Variants in CNTN3 observed in about 807,000 individuals in gnomAD.
CNTN3 encodes contactin-3.
Under a neutral mutation model 119.1 loss-of-function variants are expected in CNTN3, and 60 were observed. That is an observed-to-expected ratio of 0.50 (90% confidence interval 0.41 to 0.62). CNTN3 has a LOEUF of 0.62. CNTN3 is among the 20% of genes least tolerant of loss of function. CNTN3 has a pLI of 0.00. For missense variants in CNTN3, 1,101 were observed against 1,242.4 expected (o/e 0.89, Z 1.71); for synonymous variants, 450 against 438.7 (o/e 1.03, Z -0.32).
At chr3:74,343,011 G>A (rs961450239) in intron 11 of CNTN3, among the ~76,000 whole-genome samples, 2 of 152,180 alleles carry the variant, frequency 1.3e-5, no homozygotes, top group Non-Finnish European at 2.9e-5. Flanking sequence ...AAACTTCAAA[G>A]GGGATATTAT....
chr3:74,529,448 T>TA (rs1408246291), intron 1 of CNTN3, among the ~76,000 whole-genome samples: 1 of 151,728 alleles, frequency 6.6e-6, no homozygotes, highest in Non-Finnish European at 1.5e-5. Flanking sequence ...GACATGTATG[T>TA]AGGTGCCATA....
intron 4 of CNTN3, among the ~76,000 whole-genome samples, chr3:74,455,007 G>T (rs1478700192): frequency 6.6e-6 from 1 of 152,084 alleles, no homozygotes; most frequent in Non-Finnish European, 1.5e-5. Context: ...TTCTCAAAGA[G>T]TATCTTTGTC....
At chr3:74,567,320 T>A (rs1031491271) in intron 1 of CNTN3, among the ~76,000 whole-genome samples, 2 of 42,856 alleles carry the variant, frequency 4.7e-5, no homozygotes, top group Admixed American at 3.5e-4. Context: ...TTTAATTTTT[T>A]TTTTTTTTTT....
chr3:74,500,035 A>G (rs1413570391), intron 2 of CNTN3, among the ~76,000 whole-genome samples: 3 of 152,208 alleles, frequency 2.0e-5, no homozygotes, highest in East Asian at 3.9e-4. Flanking sequence ...TTCATACCGC[A>G]GCAATTACTT....
chr3:74,314,709 T>C (rs1702786789), intron 13 of CNTN3, among the ~76,000 whole-genome samples: 1 of 152,186 alleles, frequency 6.6e-6, no homozygotes, highest in African/African-American at 2.4e-5. Context: ...TTTGGAGACT[T>C]CAACACCTCT....
intron 13 of CNTN3, among the ~76,000 whole-genome samples, chr3:74,327,016 G>A (rs1031648812): frequency 8.6e-5 from 13 of 151,182 alleles, no homozygotes; most frequent in Non-Finnish European, 1.8e-4. Flanking sequence ...AGTATCAATC[G>A]AGAATATTGT....
At chr3:74,282,071 C>A (rs1702024449) in intron 20 of CNTN3, among the ~76,000 whole-genome samples, 1 of 152,092 alleles carries the variant, frequency 6.6e-6, no homozygotes, top group South Asian at 2.1e-4. Context: ...ATTCATCAGT[C>A]CCTTGAGATG....
At chr3:74,327,856 CATAT>C (rs1703168643) in intron 13 of CNTN3, among the ~76,000 whole-genome samples, 1 of 151,686 alleles carries the variant, frequency 6.6e-6, no homozygotes, top group Non-Finnish European at 1.5e-5. Context: ...GAATTTCATA[CATAT>C]GACCTGAATA....
At chr3:74,525,284 A>T (rs1444277329) in intron 1 of CNTN3, among the ~76,000 whole-genome samples, 1 of 151,948 alleles carries the variant, frequency 6.6e-6, no homozygotes, top group Non-Finnish European at 1.5e-5. Context: ...ATACGTACAC[A>T]CATGCATACA....
At chr3:74,283,594 GT>G (rs1350196510) in intron 20 of CNTN3, among the ~76,000 whole-genome samples, 6 of 151,998 alleles carry the variant, frequency 3.9e-5, no homozygotes, top group African/African-American at 1.4e-4. Context: ...ATGTTACACT[GT>G]CTTTTACTAT....
chr3:74,502,190 C>G (rs150468574), intron 2 of CNTN3, among the ~76,000 whole-genome samples: 1 of 151,850 alleles, frequency 6.6e-6, no homozygotes, highest in African/African-American at 2.4e-5. Context: ...AATGCATTAA[C>G]ATAATGGTAT....
chr3:74,366,817 A>C (rs1328843775), intron 8 of CNTN3, among the ~76,000 whole-genome samples: 6 of 43,866 alleles, frequency 1.4e-4, no homozygotes, highest in Non-Finnish European at 2.0e-4. Flanking sequence ...TAACTTGCTC[A>C]GTATGAAGTG....
chr3:74,285,805 A>C (rs1484797749), intron 19 of CNTN3, among the ~76,000 whole-genome samples: 2 of 93,780 alleles, frequency 2.1e-5, no homozygotes, highest in Admixed American at 1.9e-4. Context: ...ATATATATAT[A>C]TATATATATA....
At chr3:74,453,756 C>T (rs1394062893) in intron 4 of CNTN3, among the ~76,000 whole-genome samples, 2 of 151,072 alleles carry the variant, frequency 1.3e-5, no homozygotes, top group Non-Finnish European at 3.0e-5. Context: ...TTTATTTCTG[C>T]CTTCATTTCG....
At chr3:74,533,280 A>ACT (rs1196394892) in intron 1 of CNTN3, among the ~76,000 whole-genome samples, 1 of 151,998 alleles carries the variant, frequency 6.6e-6, no homozygotes, top group Non-Finnish European at 1.5e-5. Context: ...CCTTCTCTTA[A>ACT]CTCTGAAACT....
At chr3:74,455,702 T>C (rs1702255499) in intron 4 of CNTN3, among the ~76,000 whole-genome samples, 1 of 152,112 alleles carries the variant, frequency 6.6e-6, no homozygotes, top group Non-Finnish European at 1.5e-5. Context: ...TTTCTGTTCG[T>C]TAGTTTTCCT....
chr3:74,606,673 C>A (rs1228462941), intron 1 of CNTN3, among the ~76,000 whole-genome samples: 1 of 152,054 alleles, frequency 6.6e-6, no homozygotes, highest in Non-Finnish European at 1.5e-5. Flanking sequence ...AAGCAACAGA[C>A]AATTATGGCA....
chr3:74,534,967 C>A (rs1487105160), intron 1 of CNTN3, among the ~76,000 whole-genome samples: 1 of 151,914 alleles, frequency 6.6e-6, no homozygotes, highest in African/African-American at 2.4e-5. Context: ...TGATTACATG[C>A]TGAGCTGGTA....
In CNTN3 at chr3:74,537,559, C is replaced by A. The variant is rs1348070316; in HGVS notation, c.-80-16367G>T. Among the ~76,000 whole-genome samples, 5 of 152,156 alleles carry A rather than the reference C, an allele frequency of 3.3e-5. No homozygotes were observed. In the East Asian group the frequency reaches 9.7e-4, roughly 29 times the overall value. ...ACAAGACTCAATGGCATCTTTGCCT[C>A]GGTTGTTGTTTAACCATTTTTAACT... On this transcript the variant is annotated intron_variant, in intron 1 of 22. Transcript: ENST00000263665.
Sources: gnomAD v4.1 joint callset for allele counts (sites outside exome capture counted in the v4.1 genomes callset) on GRCh38, gnomAD v4.1.1 for gene constraint, MANE v1.5 for transcripts, NCBI Gene and HGNC (gene_info 2026-07-23, HGNC 2026-07-21) for gene names.